Variants in RPH3AL observed in about 807,000 individuals in gnomAD.
The protein encoded by RPH3AL is rab effector Noc2.
RPH3AL carries 38 observed loss-of-function variants against 43.1 expected under a neutral mutation model. The ratio of observed to expected loss-of-function variants is 0.88; its 90% CI spans 0.68 to 1.15. The LOEUF (loss-of-function observed/expected upper bound fraction) is 1.15. RPH3AL is among the 50% of genes most tolerant of loss of function. The pLI, the probability that RPH3AL is intolerant of heterozygous loss-of-function variation, is 0.00. For missense variants in RPH3AL, 462 were observed against 423.2 expected (o/e 1.09, Z -0.81); for synonymous variants, 189 against 176.3 (o/e 1.07, Z -0.57).
At chr17:291,790 T>TA (rs1000154055) in intron 5 of RPH3AL, among the ~76,000 whole-genome samples, 1 of 152,178 alleles carries the variant, frequency 6.6e-6, no homozygotes, top group African/African-American at 2.4e-5. Flanking sequence ...GCTGTTAAGT[T>TA]AAAAAAAGCA....
intron 6 of RPH3AL, among the ~76,000 whole-genome samples, chr17:259,299 C>T (rs2042145456): frequency 6.6e-6 from 1 of 152,196 alleles, no homozygotes; most frequent in African/African-American, 2.4e-5. Flanking sequence ...GTGCATAAAA[C>T]ACACTGTCAG....
At chr17:331,907 G>A (rs2044779413) in intron 2 of RPH3AL, 1 of 1,268,542 alleles carries the variant, frequency 7.9e-7, no homozygotes, top group South Asian at 1.2e-5. Context: ...ACTGATGAGG[G>A]AACAAAATAG....
chr17:324,694 GCTAGCTAGCTATGTAC>G (rs1567524362), intron 3 of RPH3AL, among the ~76,000 whole-genome samples: 1 of 113,764 alleles, frequency 8.8e-6, no homozygotes, highest in African/African-American at 3.8e-5. Flanking sequence ...TATCTATCTA[GCTAGCTAGCTATGTAC>G]CTATCTATCT....
At chr17:304,555 G>A (rs1044103391) in intron 5 of RPH3AL, among the ~76,000 whole-genome samples, 6 of 152,126 alleles carry the variant, frequency 3.9e-5, no homozygotes, top group Non-Finnish European at 7.4e-5. Flanking sequence ...ATAACCAGAG[G>A]GGAAGGAAGT....
chr17:229,826 T>C (rs972026998), intron 7 of RPH3AL, among the ~76,000 whole-genome samples: 1 of 152,088 alleles, frequency 6.6e-6, no homozygotes, highest in Non-Finnish European at 1.5e-5. Flanking sequence ...GTTGTGGGTC[T>C]GGAAAGGGAG....
intron 2 of RPH3AL, chr17:330,999 G>T (rs1471062843): frequency 6.6e-6 from 1 of 152,144 alleles, no homozygotes; most frequent in African/African-American, 2.4e-5. Flanking sequence ...CTTGAGACAG[G>T]CCGGAGCAAC....
intron 6 of RPH3AL, among the ~76,000 whole-genome samples, chr17:253,271 T>A (rs549899609): frequency 6.6e-6 from 1 of 152,136 alleles, no homozygotes. Flanking sequence ...AGGCCCTGTT[T>A]AACGGGGAGT....
intron 1 of RPH3AL, among the ~76,000 whole-genome samples, chr17:338,042 T>G (rs2045008219): frequency 6.6e-6 from 1 of 152,222 alleles, no homozygotes; most frequent in Non-Finnish European, 1.5e-5. Context: ...CCCTCAGATT[T>G]TAACAGCCAC....
intron 1 of RPH3AL, among the ~76,000 whole-genome samples, chr17:336,922 C>G (rs994409261): frequency 6.6e-6 from 1 of 152,186 alleles, no homozygotes; most frequent in Non-Finnish European, 1.5e-5. Context: ...TGGGAATTCT[C>G]CAGCTCCTCC....
chr17:310,924 A>AG (rs1297288338), intron 5 of RPH3AL, among the ~76,000 whole-genome samples: 1 of 152,014 alleles, frequency 6.6e-6, no homozygotes, highest in Non-Finnish European at 1.5e-5. Context: ...CAGGGCCCCC[A>AG]GGGGGGCAGT....
intron 6 of RPH3AL, among the ~76,000 whole-genome samples, chr17:267,083 C>A (rs573852569): frequency 3.3e-5 from 5 of 152,374 alleles, no homozygotes; most frequent in Admixed American, 2.6e-4. Context: ...AAGGTCCCTA[C>A]AAGCTGCTGA....
chr17:351,628 A>C (rs1353441218), intron 1 of RPH3AL, among the ~76,000 whole-genome samples: 1 of 152,134 alleles, frequency 6.6e-6, no homozygotes, highest in Non-Finnish European at 1.5e-5. Flanking sequence ...TTTCCAAAGC[A>C]CAGGCCTCCA....
At chr17:329,748 A>G (rs1567528470) in intron 2 of RPH3AL, among the ~76,000 whole-genome samples, 2 of 152,286 alleles carry the variant, frequency 1.3e-5, no homozygotes, top group East Asian at 3.9e-4. Flanking sequence ...TTCATATCTG[A>G]TTTTTCATTC....
At chr17:293,435 A>G (rs1424412107) in intron 5 of RPH3AL, among the ~76,000 whole-genome samples, 1 of 145,034 alleles carries the variant, frequency 6.9e-6, no homozygotes, top group Admixed American at 6.8e-5. Flanking sequence ...AAATCGGGGT[A>G]TTCAGACGAG....
intron 7 of RPH3AL, among the ~76,000 whole-genome samples, chr17:229,158 G>C (rs1597887281): frequency 6.6e-6 from 1 of 152,134 alleles, no homozygotes; most frequent in Admixed American, 6.5e-5. Context: ...AATGCCAATG[G>C]AAAGAAGCAG....
chr17:290,828 C>T lies in RPH3AL; in HGVS notation c.352-8974G>A, dbSNP rs2151621437. 6.6e-6 allele frequency among the ~76,000 whole-genome samples: 1 copy of T among 152,338 alleles called. No individual in the cohort carries two copies. The highest frequency in any genetic ancestry group is 3.4e-3 in the Middle Eastern group (1 of 294). On this transcript the variant is annotated intron_variant, in intron 5 of 9. Transcript: ENST00000331302. This position sits in a 1 kb window ranked among gnomAD's most constrained non-coding sequence, Gnocchi z 4.2. ...TCTCACAGCACCCGCGGTCTGGAGT[C>T]AGTCACTGGCAGCCTCACACTCCTG...
chr17:283,127 G>A lies in RPH3AL; in HGVS notation c.352-1273C>T, dbSNP rs750577418. 2.0e-5 allele frequency among the ~76,000 whole-genome samples: 3 copies of A among 151,340 alleles called. No homozygotes were observed. The highest frequency in any genetic ancestry group is 4.9e-5 in the African/African-American group (2 of 40,948). ...CAGCTCATCCATCTTTCTGCCACAC[G>A]GAAGCCACCCGGTCCCTGCGTGGGT... On this transcript the variant is annotated intron_variant, in intron 5 of 9. Coordinates refer to ENST00000331302, the MANE Select transcript of RPH3AL (RefSeq NM_006987.4). The surrounding 1 kb of genome is among the most constrained non-coding windows in gnomAD (Gnocchi z 4.2).
At chr17:262,512 C>T (rs941223344) in intron 6 of RPH3AL, among the ~76,000 whole-genome samples, 1 of 152,076 alleles carries the variant, frequency 6.6e-6, no homozygotes, top group African/African-American at 2.4e-5. Flanking sequence ...CCGCACCCGG[C>T]CAACAAAATA....
At chr17:337,594 G>A (rs746179666) in intron 1 of RPH3AL, among the ~76,000 whole-genome samples, 14 of 152,150 alleles carry the variant, frequency 9.2e-5, no homozygotes, top group South Asian at 4.1e-4. Context: ...CCAGGACCCC[G>A]TCCAGGAGGC....
Sources: allele counts gnomAD v4.1 joint callset (sites outside exome capture counted in the v4.1 genomes callset), GRCh38; gene constraint gnomAD v4.1.1; non-coding constraint Gnocchi (gnomAD v3.1); transcripts MANE v1.5; gene names NCBI Gene and HGNC (gene_info 2026-07-23, HGNC 2026-07-21).